Variants in PANK3 observed in about 807,000 individuals in gnomAD.
The protein encoded by PANK3 is hPanK3.
In PANK3, 20 loss-of-function variants were observed where a neutral mutation model predicts 39.4. That is an observed-to-expected ratio of 0.51 (90% CI 0.36 to 0.74). The LOEUF (loss-of-function observed/expected upper bound fraction) is 0.74. Ranked by LOEUF, PANK3 falls within the 30% of genes least tolerant of loss-of-function variation. The pLI is 0.00. For synonymous variants in PANK3, 140 were observed against 157.3 expected, an observed-to-expected ratio of 0.89 and a Z score of 0.82; for missense variants, 265 against 437.0, an observed-to-expected ratio of 0.61 and a Z score of 3.51.
At chr5:168,573,266 C>T (rs1054187907) in intron 1 of PANK3, among the ~76,000 whole-genome samples, 6 of 151,664 alleles carry the variant, frequency 4.0e-5, no homozygotes, top group African/African-American at 1.2e-4. Flanking sequence ...CCTGCTATAA[C>T]TTCAATTAAG....
At chr5:168,570,218 T>A (rs1759604657) in intron 1 of PANK3, among the ~76,000 whole-genome samples, 1 of 151,054 alleles carries the variant, frequency 6.6e-6, no homozygotes. Context: ...CCGTCTCTAC[T>A]AAAAAAATAC....
At position 168,550,337 on chromosome 5, in the gene PANK3, C is replaced by T. The variant is rs892937442; in HGVS notation, c.*7234G>A. ...GCGTATTAAATGTATTTTCAACTTA[C>T]GGTATTTTCAATTTACAATGGGTCT... is the stretch of plus-strand genomic sequence containing the variant. On this transcript the variant is annotated 3_prime_UTR_variant, in exon 7 of 7. Coordinates refer to ENST00000239231, the MANE Select transcript of PANK3 (RefSeq NM_024594.4). 3.9e-5 allele frequency: 6 copies of T among 152,142 alleles called. No individual in the cohort carries two copies. The highest frequency in any genetic ancestry group is 1.3e-4 in the Admixed American group (2 of 15,284). The allele number at this position is 152,142 out of a possible 1,614,324, so 9.4% of individuals were successfully genotyped here.
intron 4 of PANK3, 33 bp downstream of exon 4, chr5:168,563,856 C>G (rs376737778): frequency 6.5e-7 from 1 of 1,538,386 alleles, no homozygotes; most frequent in African/African-American, 1.4e-5. Context: ...TACTTAACTT[C>G]TGTAACTTAA....
chr5:168,578,637 A>G (rs1412807087), intron 1 of PANK3: 1 of 152,264 alleles, frequency 6.6e-6, no homozygotes, highest in Non-Finnish European at 1.5e-5. Context: ...TATTCACCAT[A>G]ATATTAATAG....
At chr5:168,579,193 G>A (rs1478742733) in intron 1 of PANK3, 63 bp downstream of exon 1, 2 of 1,422,722 alleles carry the variant, frequency 1.4e-6, no homozygotes, top group East Asian at 2.9e-5. Context: ...GCCCAGCCAA[G>A]GGGCTTTCAG....
At chr5:168,577,362 T>C (rs1759746331) in intron 1 of PANK3, among the ~76,000 whole-genome samples, 1 of 152,226 alleles carries the variant, frequency 6.6e-6, no homozygotes, top group Non-Finnish European at 1.5e-5. Context: ...TTAAGATTAA[T>C]GGTCTCACAA....
intron 2 of PANK3, among the ~76,000 whole-genome samples, chr5:168,567,684 A>G (rs1759558865): frequency 6.6e-6 from 1 of 152,070 alleles, no homozygotes; most frequent in Non-Finnish European, 1.5e-5. Flanking sequence ...TGGCTCAATC[A>G]CAGCTCACTG....
At position 168,552,721 on chromosome 5, in the gene PANK3, A is replaced by G. The variant is rs1210721876; in HGVS notation, c.*4850T>C. Reference sequence around the variant, plus strand: ...AGGACAGAACAAAACGCCATGCCTCAAGACCTATCATATGTAAAGTCCTTC... The same window carrying G: ...AGGACAGAACAAAACGCCATGCCTCGAGACCTATCATATGTAAAGTCCTTC... On this transcript the variant is annotated 3_prime_UTR_variant, in exon 7 of 7. Coordinates refer to ENST00000239231, the MANE Select transcript of PANK3 (RefSeq NM_024594.4). 5.4e-6 allele frequency: 1 copy of G among 186,328 alleles called. No homozygotes were observed. The highest frequency in any genetic ancestry group is 2.4e-5 in the African/African-American group (1 of 42,366). 11.5% of individuals were successfully genotyped at this position (186,328 alleles called of 1,614,324 possible).
Position 168,572,346 on chromosome 5 carries a change from TTG to T in PANK3, c.29-3350_29-3349del, listed in dbSNP as rs200218163. ...CTAGGATGGTTTTGATCTCCTAACCTTGTGTGTGTGTGTGTGCAACAAGGCTG... is the reference window on the plus strand; with the variant it reads ...CTAGGATGGTTTTGATCTCCTAACCTTGTGTGTGTGTGTGCAACAAGGCTG... On this transcript the variant is annotated intron_variant, in intron 1 of 6. Coordinates refer to ENST00000239231, the MANE Select transcript of PANK3 (RefSeq NM_024594.4). 1.1e-3 allele frequency among the ~76,000 whole-genome samples: 162 copies of T among 151,228 alleles called. 1 individual carries two copies. Among genetic ancestry groups the T allele is most frequent in the African/African-American group, 3.8e-3 (158 of 41,280 alleles).
Position 168,551,913 on chromosome 5 carries a change from T to C in PANK3, c.*5658A>G, listed in dbSNP as rs1226248109. On this transcript the variant is annotated 3_prime_UTR_variant, in exon 7 of 7. Transcript: ENST00000239231. The stretch of plus-strand genomic sequence containing the variant: ...TAAGAGACCACCTAATTTCCAACTT[T>C]ATTTAGAGTAGCTGAGCAAGGAACT... The C allele has an allele frequency of 6.6e-6, 1 of 152,216 alleles. No individual in the cohort carries two copies. The allele number at this position is 152,216 out of a possible 1,614,324, so 9.4% of individuals were successfully genotyped here. A position where few individuals can be genotyped will look rare whatever the true frequency, so the allele number is the denominator to read the frequency against.
intron 1 of PANK3, among the ~76,000 whole-genome samples, chr5:168,569,553 T>A (rs1405411430): frequency 6.6e-6 from 1 of 152,146 alleles, no homozygotes; most frequent in Non-Finnish European, 1.5e-5. Flanking sequence ...TGACCCAGGA[T>A]CTTTTAATTC....
rs1759231579 is a variant in PANK3, at chr5:168,548,759, T to C, written c.*8812A>G. 2 of 152,288 alleles carry C rather than the reference T, an allele frequency of 1.3e-5. No individual in the cohort carries two copies. The highest frequency in any genetic ancestry group is 1.3e-4 in the Admixed American group (2 of 15,306). The allele number at this position is 152,288 out of a possible 1,614,324, so 9.4% of individuals were successfully genotyped here. On this transcript the variant is annotated 3_prime_UTR_variant, in exon 7 of 7. Transcript: ENST00000239231. The stretch of plus-strand genomic sequence containing the variant: ...TCAAATTTACATAAGATACTGTACA[T>C]AAATGAAAAAATAAATTAGGTAATT...
At chr5:168,577,594 C>T (rs1759749337) in intron 1 of PANK3, among the ~76,000 whole-genome samples, 1 of 152,190 alleles carries the variant, frequency 6.6e-6, no homozygotes, top group African/African-American at 2.4e-5. Context: ...CCGCCTCGGC[C>T]TCTCAAAGTG....
rs33910263 is a variant in PANK3, at chr5:168,565,857, T to TAAAAAAAAAAAAAAA, written c.635+155_635+156insTTTTTTTTTTTTTTT. On this transcript the variant is annotated intron_variant, in intron 3 of 6. Coordinates refer to ENST00000239231, the MANE Select transcript of PANK3 (RefSeq NM_024594.4). Reference sequence around the variant, plus strand: ...GGGCAACATGGCACCCTCTTTCACTTAAAAAAAAAAAATATATATATATAT... The same window carrying TAAAAAAAAAAAAAAA: ...GGGCAACATGGCACCCTCTTTCACTTAAAAAAAAAAAAAAAAAAAAAAAAAAATATATATATATAT... Among the ~76,000 whole-genome samples, 7 of 104,256 alleles carry TAAAAAAAAAAAAAAA rather than the reference T, an allele frequency of 6.7e-5. No individual in the cohort carries two copies. In the East Asian group the frequency reaches 1.5e-3, roughly 22 times the overall value. The allele number at this position is 104,256 out of a possible 152,430, so 68.4% of individuals were successfully genotyped here. A position where few individuals can be genotyped will look rare whatever the true frequency, so the allele number is the denominator to read the frequency against.
intron 5 of PANK3, among the ~76,000 whole-genome samples, chr5:168,561,154 T>C (rs1368069402): frequency 2.6e-5 from 4 of 152,294 alleles, no homozygotes; most frequent in Middle Eastern, 3.4e-3. Context: ...GTTGTGTTTT[T>C]CTGAAAAAAA....
chr5:168,574,881 C>G (rs1759707270), intron 1 of PANK3, among the ~76,000 whole-genome samples: 1 of 151,924 alleles, frequency 6.6e-6, no homozygotes, highest in Non-Finnish European at 1.5e-5. Context: ...GAGAAAAATA[C>G]CAGTTTCCTA....
rs1005510630 is a variant in PANK3, at chr5:168,551,973, T to G, written c.*5598A>C. 6.6e-6 allele frequency: 1 copy of G among 152,204 alleles called. No homozygotes were observed. The allele number at this position is 152,204 out of a possible 1,614,324, so 9.4% of individuals were successfully genotyped here. A position where few individuals can be genotyped will look rare whatever the true frequency, so the allele number is the denominator to read the frequency against. On this transcript the variant is annotated 3_prime_UTR_variant, in exon 7 of 7. Transcript: ENST00000239231. Reference sequence around the variant, plus strand: ...AATTACATGGCAAGTTTACTAATAGTCTTTGGAAAAGATGAGTGTAGAACT... The same window carrying G: ...AATTACATGGCAAGTTTACTAATAGGCTTTGGAAAAGATGAGTGTAGAACT...
intron 4 of PANK3, among the ~76,000 whole-genome samples, chr5:168,562,819 G>A (rs1480181911): frequency 6.6e-6 from 1 of 152,114 alleles, no homozygotes; most frequent in African/African-American, 2.4e-5. Flanking sequence ...TAGAGAAAAT[G>A]TTTGCCAAGT....
intron 1 of PANK3, 37 bp downstream of exon 1, chr5:168,579,219 G>A (rs773651672): frequency 4.0e-6 from 6 of 1,483,030 alleles, no homozygotes; most frequent in East Asian, 5.5e-5. Context: ...GCCCAAGGGT[G>A]CCCTCCCAAC....
Sources: gnomAD v4.1 joint callset for allele counts (sites outside exome capture counted in the v4.1 genomes callset) on GRCh38, gnomAD v4.1.1 for gene constraint, MANE v1.5 for transcripts, NCBI Gene and HGNC (gene_info 2026-07-23, HGNC 2026-07-21) for gene names.